M1AP: variants seen among roughly 807,000 people sequenced by gnomAD.
The protein encoded by M1AP is meiosis 1 arrest protein.
M1AP carries 39 observed loss-of-function variants against 51.2 expected under a neutral mutation model. That is an observed-to-expected ratio of 0.76 (90% CI 0.59 to 1.00). The LOEUF is 1.00. M1AP is among the 50% of genes least tolerant of loss of function. The pLI is 0.00. For missense variants in M1AP, 545 were observed against 641.2 expected, an observed-to-expected ratio of 0.85 and a Z score of 1.62; for synonymous variants, 251 against 249.2, an observed-to-expected ratio of 1.01 and a Z score of -0.07.
chr2:74,603,220 T>C (rs1334303922), intron 4 of M1AP, among the ~76,000 whole-genome samples: 2 of 152,178 alleles, frequency 1.3e-5, no homozygotes, highest in African/African-American at 2.4e-5. Context: ...GTAGCCTCCA[T>C]GGGTATCAAA....
At chr2:74,644,393 C>T (rs1683474802) in intron 1 of M1AP, among the ~76,000 whole-genome samples, 1 of 152,064 alleles carries the variant, frequency 6.6e-6, no homozygotes, top group Non-Finnish European at 1.5e-5. Context: ...CAAAAATTAG[C>T]CGGGCGTGGT....
chr2:74,607,204 T>G lies in M1AP; in HGVS notation c.446A>C (p.Gln149Pro). Residue 149 changes from glutamine (Q) to proline (P), a missense_variant, in exon 4 of 11, where the codon CAG (glutamine) becomes CCG (proline). Coordinates refer to ENST00000421985, the MANE Select transcript of M1AP (RefSeq NM_001321739.2). Reference sequence around the variant, plus strand: ...CTGTTTGACCACCTCTTTTCCAGGCTGAGAAGTCAGAATAGTAATCTGAAA... The same window carrying G: ...CTGTTTGACCACCTCTTTTCCAGGCGGAGAAGTCAGAATAGTAATCTGAAA... Reference protein sequence around the residue: ...TSLEITILTSQPGKEVVKQLE... With the variant: ...TSLEITILTSPPGKEVVKQLE... 6.2e-7 allele frequency: 1 copy of G among 1,614,106 alleles called. No individual in the cohort carries two copies. Among genetic ancestry groups the G allele is most frequent in the Non-Finnish European group, 8.5e-7 (1 of 1,179,968 alleles).
intron 2 of M1AP, among the ~76,000 whole-genome samples, chr2:74,630,304 A>AT (rs1682627191): frequency 6.6e-6 from 1 of 152,182 alleles, no homozygotes; most frequent in Admixed American, 6.5e-5. Flanking sequence ...TCTATGCTAA[A>AT]TATCTTCAAT....
intron 2 of M1AP, among the ~76,000 whole-genome samples, chr2:74,624,327 A>G (rs1682252407): frequency 6.6e-6 from 1 of 152,214 alleles, no homozygotes; most frequent in Admixed American, 6.5e-5. Flanking sequence ...GACCTAGAAC[A>G]CTTGAGTATG....
intron 4 of M1AP, among the ~76,000 whole-genome samples, chr2:74,604,052 G>C (rs2104690002): frequency 6.6e-6 from 1 of 151,566 alleles, no homozygotes; most frequent in South Asian, 2.1e-4. Context: ...CCATAATTTG[G>C]AGATCTCCAC....
At chr2:74,563,662 G>T (rs529910846) in intron 7 of M1AP, among the ~76,000 whole-genome samples, 34 of 151,388 alleles carry the variant, frequency 2.2e-4, no homozygotes, top group African/African-American at 7.5e-4. Context: ...GTGGGTGGGT[G>T]CAGGGCCCTT....
intron 2 of M1AP, among the ~76,000 whole-genome samples, chr2:74,619,882 C>T (rs1166009934): frequency 6.6e-6 from 1 of 152,166 alleles, no homozygotes; most frequent in African/African-American, 2.4e-5. Context: ...TATTCTGATA[C>T]ATTCTTGGAA....
At chr2:74,579,048 C>A in intron 5 of M1AP, among the ~76,000 whole-genome samples, 1 of 152,192 alleles carries the variant, frequency 6.6e-6, no homozygotes, top group East Asian at 1.9e-4. Context: ...CCAGTGAAGA[C>A]CTCCCCAGCA....
chr2:74,571,993 G>A (rs1489367126), intron 7 of M1AP, among the ~76,000 whole-genome samples: 8 of 143,392 alleles, frequency 5.6e-5, no homozygotes, highest in Admixed American at 1.4e-4. Context: ...GCGAAACTCC[G>A]TCTCAAAAAA....
chr2:74,630,082 A>G (rs1305998267), intron 2 of M1AP, among the ~76,000 whole-genome samples: 2 of 152,032 alleles, frequency 1.3e-5, no homozygotes, highest in Non-Finnish European at 1.5e-5. Context: ...CTGAGACTAC[A>G]GCTATGTACC....
At chr2:74,601,559 A>C (rs893230588) in intron 4 of M1AP, among the ~76,000 whole-genome samples, 1 of 152,144 alleles carries the variant, frequency 6.6e-6, no homozygotes, top group Non-Finnish European at 1.5e-5. Flanking sequence ...GCATAATAAA[A>C]AATTTTAAAA....
chr2:74,563,630 TAAAG>T (rs1383082206), intron 7 of M1AP, among the ~76,000 whole-genome samples: 26 of 108,368 alleles, frequency 2.4e-4, no homozygotes, highest in South Asian at 2.9e-4. Flanking sequence ...AAAAAAAACA[TAAAG>T]AAAGAGCAGA....
At chr2:74,628,779 T>C in intron 2 of M1AP, 1 of 510,944 alleles carries the variant, frequency 2.0e-6, no homozygotes, top group Admixed American at 2.2e-5. Context: ...GCTGAGTAAC[T>C]CACAGAGAAG....
At chr2:74,575,269 C>T (rs967645199) in intron 7 of M1AP, 169 bp downstream of exon 7, 28 of 1,420,788 alleles carry the variant, frequency 2.0e-5, no homozygotes, top group Non-Finnish European at 2.5e-5. Context: ...AGCATGAAAC[C>T]AACAAAAGGC....
intron 5 of M1AP, among the ~76,000 whole-genome samples, chr2:74,581,383 A>G (rs1679398394): frequency 6.6e-6 from 1 of 152,232 alleles, no homozygotes; most frequent in South Asian, 2.1e-4. Context: ...AATGTGATCC[A>G]CTGTGTTCTT....
intron 7 of M1AP, among the ~76,000 whole-genome samples, chr2:74,572,241 A>T (rs1026601576): frequency 3.9e-5 from 6 of 152,240 alleles, no homozygotes; most frequent in Admixed American, 6.5e-5. Flanking sequence ...ATCTGGCTAC[A>T]TCCAGAGTAG....
chr2:74,623,865 T>A (rs947236902), intron 2 of M1AP, among the ~76,000 whole-genome samples: 1 of 151,926 alleles, frequency 6.6e-6, no homozygotes, highest in Non-Finnish European at 1.5e-5. Context: ...AGAGACAAGG[T>A]CTTGCTATGT....
chr2:74,565,824 G>GTC (rs1245248106), intron 7 of M1AP, among the ~76,000 whole-genome samples: 3 of 75,408 alleles, frequency 4.0e-5, no homozygotes, highest in African/African-American at 1.0e-4. Flanking sequence ...GTGAGATGCC[G>GTC]TCACACACAC....
chr2:74,586,734 C>T (rs913060068), intron 4 of M1AP, among the ~76,000 whole-genome samples: 1 of 152,178 alleles, frequency 6.6e-6, no homozygotes, highest in Non-Finnish European at 1.5e-5. Flanking sequence ...GGCACGGTGG[C>T]TCACGCCTGT....
Sources: allele counts gnomAD v4.1 joint callset (sites outside exome capture counted in the v4.1 genomes callset), GRCh38; gene constraint gnomAD v4.1.1; transcripts MANE v1.5; gene names NCBI Gene and HGNC (gene_info 2026-07-23, HGNC 2026-07-21).